Variants in DSCAM observed in about 807,000 individuals in gnomAD.
DSCAM encodes DS cell adhesion molecule.
In DSCAM, 47 loss-of-function variants were observed where a neutral mutation model predicts 217.7. The ratio of observed to expected loss-of-function variants is 0.22; its 90% CI spans 0.17 to 0.28. The LOEUF (loss-of-function observed/expected upper bound fraction) is 0.28, where lower values mean the gene tolerates loss of function less well. Ranked by LOEUF, DSCAM falls within the 10% of genes least tolerant of loss-of-function variation. The pLI, the probability that DSCAM is intolerant of heterozygous loss-of-function variation, is 1.00. For missense variants in DSCAM, 2,080 were observed against 2,618.3 expected (o/e 0.79, Z 4.49); for synonymous variants, 1,056 against 1,015.3 (o/e 1.04, Z -0.76).
chr21:40,780,107 T>C (rs1377957353), intron 1 of DSCAM, among the ~76,000 whole-genome samples: 2 of 152,166 alleles, frequency 1.3e-5, no homozygotes, highest in Non-Finnish European at 2.9e-5. Context: ...TGTCATCGTC[T>C]CCATTTGAAT....
intron 8 of DSCAM, among the ~76,000 whole-genome samples, chr21:40,327,937 G>A (rs1377875136): frequency 2.6e-5 from 4 of 152,018 alleles, no homozygotes; most frequent in African/African-American, 9.7e-5. Flanking sequence ...AATTAACCAA[G>A]GAGGTGAAAG....
chr21:40,403,535 G>A (rs1357692098), intron 3 of DSCAM, among the ~76,000 whole-genome samples: 1 of 151,984 alleles, frequency 6.6e-6, no homozygotes, highest in Non-Finnish European at 1.5e-5. Context: ...AACAAACTAT[G>A]CCTTATACAG....
chr21:40,318,708 T>C (rs2074227488), intron 8 of DSCAM, among the ~76,000 whole-genome samples: 1 of 152,192 alleles, frequency 6.6e-6, no homozygotes, highest in South Asian at 2.1e-4. Context: ...GAGGCCAAGA[T>C]GCAGAGACAT....
intron 1 of DSCAM, among the ~76,000 whole-genome samples, chr21:40,772,943 T>C (rs1218542409): frequency 3.3e-5 from 5 of 152,200 alleles, no homozygotes; most frequent in African/African-American, 9.6e-5. Context: ...GCTGGAGGCA[T>C]TGCTCACTCC....
chr21:40,455,165 T>C (rs938811499), intron 3 of DSCAM, among the ~76,000 whole-genome samples: 3 of 152,112 alleles, frequency 2.0e-5, no homozygotes, highest in Non-Finnish European at 4.4e-5. Context: ...ATCAATGTAA[T>C]GTAAGACCAG....
intron 3 of DSCAM, among the ~76,000 whole-genome samples, chr21:40,516,762 G>A (rs769988404): frequency 2.0e-5 from 3 of 152,018 alleles, no homozygotes; most frequent in Non-Finnish European, 4.4e-5. Flanking sequence ...CAGTGCCCCA[G>A]TGTGGGAGAA....
chr21:40,692,195 TA>T (rs1398344142), intron 3 of DSCAM, among the ~76,000 whole-genome samples: 1 of 152,194 alleles, frequency 6.6e-6, no homozygotes, highest in Non-Finnish European at 1.5e-5. Context: ...TCCAGGTAAA[TA>T]GCACAGAGCA....
chr21:40,381,245 G>A (rs1816408198), intron 3 of DSCAM, among the ~76,000 whole-genome samples: 1 of 152,050 alleles, frequency 6.6e-6, no homozygotes, highest in Non-Finnish European at 1.5e-5. Flanking sequence ...GGCTGTCCAT[G>A]GCTGACTTAT....
At chr21:40,757,134 C>T (rs2091284785) in intron 1 of DSCAM, among the ~76,000 whole-genome samples, 1 of 152,150 alleles carries the variant, frequency 6.6e-6, no homozygotes, top group Admixed American at 6.5e-5. Context: ...ACACCATTCT[C>T]CTGCTTAGCC....
At position 40,569,485 on chromosome 21, in the gene DSCAM, T is replaced by C. The variant is rs190063717; in HGVS notation, c.508+123325A>G. Reference sequence around the variant, plus strand: ...GAAGCTTCCCTGAGAAAGAAGAAAATTGCTCCTGTGAACTGCGGCATCAGC... The same window carrying C: ...GAAGCTTCCCTGAGAAAGAAGAAAACTGCTCCTGTGAACTGCGGCATCAGC... On this transcript the variant is annotated intron_variant, in intron 3 of 32. Transcript: ENST00000400454. Among the ~76,000 whole-genome samples the C allele has an allele frequency of 6.6e-5, 10 of 152,268 alleles. 1 individual carries two copies. Among genetic ancestry groups the C allele is most frequent in the African/African-American group, 1.4e-4 (6 of 41,566 alleles).
At chr21:40,178,851 T>C (rs2090762367) in intron 15 of DSCAM, 76 bp downstream of exon 15, 1 of 1,581,940 alleles carries the variant, frequency 6.3e-7, no homozygotes, top group Non-Finnish European at 8.6e-7. Context: ...GGTCTGCTTC[T>C]GCATTTAAGC....
intron 1 of DSCAM, among the ~76,000 whole-genome samples, chr21:40,807,236 G>A (rs769850563): frequency 3.3e-5 from 5 of 152,140 alleles, no homozygotes; most frequent in Non-Finnish European, 5.9e-5. Flanking sequence ...GGCTGACCAC[G>A]TAACCATATA....
At chr21:40,118,688 A>C (rs1277561030) in intron 20 of DSCAM, among the ~76,000 whole-genome samples, 1 of 152,134 alleles carries the variant, frequency 6.6e-6, no homozygotes, top group African/African-American at 2.4e-5. Flanking sequence ...CCTGCCTCTG[A>C]TTCATCAGGT....
chr21:40,462,355 A>G (rs896397555), intron 3 of DSCAM, among the ~76,000 whole-genome samples: 3 of 152,170 alleles, frequency 2.0e-5, no homozygotes, highest in African/African-American at 7.2e-5. Context: ...CAGCTGGAAT[A>G]AAAATCTTAG....
intron 3 of DSCAM, among the ~76,000 whole-genome samples, chr21:40,620,197 A>AAGAAAGAG (rs1232429562): frequency 7.1e-6 from 1 of 140,316 alleles, no homozygotes; most frequent in East Asian, 2.1e-4. Context: ...AAGAAAAAGA[A>AAGAAAGAG]AGAAAGAGAG....
chr21:40,382,410 A>G (rs2075035638), intron 3 of DSCAM, among the ~76,000 whole-genome samples: 1 of 152,156 alleles, frequency 6.6e-6, no homozygotes, highest in African/African-American at 2.4e-5. Flanking sequence ...CCTCAAACAC[A>G]TGCTTTGAGA....
chr21:40,638,588 C>A (rs1359594700), intron 3 of DSCAM, among the ~76,000 whole-genome samples: 1 of 152,100 alleles, frequency 6.6e-6, no homozygotes, highest in African/African-American at 2.4e-5. Flanking sequence ...CAGATCGTTT[C>A]CTCTGCTCTT....
In DSCAM at chr21:40,369,341, T is replaced by A. The variant is rs9636971; in HGVS notation, c.509-96A>T. 6,785 of 1,275,772 alleles carry A rather than the reference T, an allele frequency of 5.3e-3. 190 individuals carry two copies. The East Asian group carries it at 0.075, about 14-fold the overall frequency. The allele number at this position is 1,275,772 out of a possible 1,614,324, so 79.0% of individuals were successfully genotyped here. A position where few individuals can be genotyped will look rare whatever the true frequency, so the allele number is the denominator to read the frequency against. On this transcript the variant is annotated intron_variant, in intron 3 of 32. Coordinates refer to ENST00000400454, the MANE Select transcript of DSCAM (RefSeq NM_001389.5). Reference sequence around the variant, plus strand: ...TAAACAGTTTTTTTTTTCCCCCACCTGAAGAAACTTAATGAAAAGGCTAAA... The same window carrying A: ...TAAACAGTTTTTTTTTTCCCCCACCAGAAGAAACTTAATGAAAAGGCTAAA...
At chr21:40,212,852 A>G (rs117967895) in intron 11 of DSCAM, among the ~76,000 whole-genome samples, 3,704 of 152,300 alleles carry the variant, frequency 0.024, 71 homozygotes, top group African/African-American at 0.032. Context: ...AGAATGTCAT[A>G]TAAGAGACAG....
Sources: gnomAD v4.1 joint callset for allele counts (sites outside exome capture counted in the v4.1 genomes callset) on GRCh38, gnomAD v4.1.1 for gene constraint, MANE v1.5 for transcripts, NCBI Gene and HGNC (gene_info 2026-07-23, HGNC 2026-07-21) for gene names.